CDRT4: variants seen among roughly 807,000 people sequenced by gnomAD.
The protein encoded by CDRT4 is CMT1A duplicated region transcript 4 protein.
For synonymous variants in CDRT4, 64 were observed against 69.6 expected, an observed-to-expected ratio of 0.92 and a Z score of 0.40; for missense variants, 167 against 193.1, an observed-to-expected ratio of 0.87 and a Z score of 0.80.
rs891826079 is a variant in CDRT4 at position 15,450,684 on chromosome 17, C to T, written c.-48+2320G>A. 2.0e-5 allele frequency among the ~76,000 whole-genome samples: 3 copies of T among 151,956 alleles called. No homozygotes were observed. The East Asian group carries it at 5.8e-4, about 29-fold the overall frequency. On this transcript the variant is annotated intron_variant, in intron 2 of 3. Transcript: ENST00000619038. The surrounding 1 kb of genome is among the most constrained non-coding windows in gnomAD (Gnocchi z 4.2). ...CTAGACTGACTTCTTTCCCAAAGTC[C>T]AAATACATATATCCAACTGCCAATA...
In CDRT4 at chr17:15,437,646, G is replaced by A; in HGVS notation, c.*127C>T. On this transcript the variant is annotated 3_prime_UTR_variant, in exon 4 of 4. Coordinates refer to ENST00000619038, the MANE Select transcript of CDRT4 (RefSeq NM_001204477.2). ...TTTCTCTTAGCCAAGCTCCGCATGA[G>A]CAAGAGCAAGTTCAGATTTAAAGGA... 7 of 1,002,960 alleles carry A rather than the reference G, an allele frequency of 7.0e-6. No homozygotes were observed. Among genetic ancestry groups the A allele is most frequent in the Non-Finnish European group, 1.0e-5 (7 of 688,364 alleles). The allele number at this position is 1,002,960 out of a possible 1,614,324, so 62.1% of individuals were successfully genotyped here.
At chr17:15,454,674 G>A (rs1979407183) in intron 1 of CDRT4, among the ~76,000 whole-genome samples, 2 of 152,182 alleles carry the variant, frequency 1.3e-5, no homozygotes, top group African/African-American at 4.8e-5. Context: ...AGTCTCGCCA[G>A]ATTCCTACTG....
At chr17:15,454,126 G>A (rs1316781675) in intron 1 of CDRT4, among the ~76,000 whole-genome samples, 1 of 152,144 alleles carries the variant, frequency 6.6e-6, no homozygotes, top group Non-Finnish European at 1.5e-5. Flanking sequence ...GAAGTCATGG[G>A]AGGTCAGAAG....
chr17:15,447,033 T>C (rs892897094), intron 2 of CDRT4, among the ~76,000 whole-genome samples: 1 of 152,208 alleles, frequency 6.6e-6, no homozygotes, highest in Non-Finnish European at 1.5e-5. Flanking sequence ...CTGTGGATTT[T>C]CCACATTTGC....
intron 2 of CDRT4, among the ~76,000 whole-genome samples, chr17:15,443,242 T>G (rs1978853583): frequency 6.6e-6 from 1 of 152,036 alleles, no homozygotes; most frequent in African/African-American, 2.4e-5. Context: ...GATGAACTCC[T>G]GTCCCAGAAG....
intron 2 of CDRT4, among the ~76,000 whole-genome samples, chr17:15,446,954 A>T (rs1392422966): frequency 6.6e-6 from 1 of 152,206 alleles, no homozygotes; most frequent in Non-Finnish European, 1.5e-5. Flanking sequence ...CACACATTCA[A>T]AAAACCTATC....
rs565298834 is a variant in CDRT4, at chr17:15,450,356, T to C, written c.-48+2648A>G. Among the ~76,000 whole-genome samples, 37 of 152,158 alleles carry C rather than the reference T, an allele frequency of 2.4e-4. No individual in the cohort carries two copies. Among genetic ancestry groups the C allele is most frequent in the Non-Finnish European group, 4.7e-4 (32 of 68,018 alleles). On this transcript the variant is annotated intron_variant, in intron 2 of 3. Coordinates refer to ENST00000619038, the MANE Select transcript of CDRT4 (RefSeq NM_001204477.2). The surrounding 1 kb of genome is among the most constrained non-coding windows in gnomAD (Gnocchi z 4.2). ...ATGCCTTCCTTCCCACTACTATGAATGAGGCATCTGTATTCCTGTCAAAGA... is the reference window on the plus strand; with the variant it reads ...ATGCCTTCCTTCCCACTACTATGAACGAGGCATCTGTATTCCTGTCAAAGA...
chr17:15,452,480 G>A (rs1252644796), intron 2 of CDRT4: 1 of 152,224 alleles, frequency 6.6e-6, no homozygotes, highest in Non-Finnish European at 1.5e-5. Context: ...GCTCTACTCT[G>A]CTTTCCCTTC....
chr17:15,458,948 G>C (rs937746473), intron 1 of CDRT4, among the ~76,000 whole-genome samples: 6 of 152,106 alleles, frequency 3.9e-5, no homozygotes, highest in Non-Finnish European at 7.4e-5. Context: ...AGCCTTCCTG[G>C]GGATTCTGTT....
At chr17:15,453,520 G>A (rs925438316) in intron 1 of CDRT4, among the ~76,000 whole-genome samples, 1 of 152,202 alleles carries the variant, frequency 6.6e-6, no homozygotes, top group African/African-American at 2.4e-5. Context: ...GGCCCTTCAT[G>A]GAGCGTGTTC....
At chr17:15,465,745 C>G (rs540681950) in intron 1 of CDRT4, among the ~76,000 whole-genome samples, 1 of 152,224 alleles carries the variant, frequency 6.6e-6, no homozygotes, top group Non-Finnish European at 1.5e-5. Flanking sequence ...TGCACAGACA[C>G]GCATGCTAAC....
chr17:15,440,171 G>C, intron 3 of CDRT4, 37 bp downstream of exon 3: 1 of 1,612,196 alleles, frequency 6.2e-7, no homozygotes. Flanking sequence ...GACGGCCCCA[G>C]TGCAGGAGCT....
chr17:15,440,391 G>T, intron 2 of CDRT4, 106 bp from the exon 3 acceptor site: 1 of 1,263,518 alleles, frequency 7.9e-7, no homozygotes, highest in Non-Finnish European at 1.1e-6. Context: ...ACTGCATGAG[G>T]CTAAGATGAC....
intron 1 of CDRT4, among the ~76,000 whole-genome samples, chr17:15,463,761 G>A (rs1057359661): frequency 5.9e-5 from 9 of 152,054 alleles, no homozygotes; most frequent in Non-Finnish European, 1.2e-4. Flanking sequence ...CCTTAACACC[G>A]TCTTCTGAGC....
Position 15,450,994 on chromosome 17 carries a change from C to T in CDRT4, c.-48+2010G>A, listed in dbSNP as rs1417322203. On this transcript the variant is annotated intron_variant, in intron 2 of 3. Transcript: ENST00000619038. This position sits in a 1 kb window ranked among gnomAD's most constrained non-coding sequence, Gnocchi z 4.2. ...TAACTGAACTACTGAACACCTGCTA[C>T]TGGTCTCCCTGCTTCCACTCTTGTT... is the stretch of plus-strand genomic sequence containing the variant. Among the ~76,000 whole-genome samples the T allele has an allele frequency of 6.6e-6, 1 of 152,198 alleles. No individual in the cohort carries two copies. The highest frequency in any genetic ancestry group is 1.5e-5 in the Non-Finnish European group (1 of 68,046).
chr17:15,459,445 T>C (rs866445591), intron 1 of CDRT4, among the ~76,000 whole-genome samples: 39 of 141,262 alleles, frequency 2.8e-4, no homozygotes, highest in Non-Finnish European at 4.5e-4. Flanking sequence ...TTTTCTTTTT[T>C]TTTTTTTTTT....
At chr17:15,445,321 A>C (rs1978975297) in intron 2 of CDRT4, among the ~76,000 whole-genome samples, 1 of 152,230 alleles carries the variant, frequency 6.6e-6, no homozygotes, top group East Asian at 1.9e-4. Context: ...AGGAGTCGCC[A>C]CATCTTCTAA....
chr17:15,442,729 G>T (rs768553191), intron 2 of CDRT4, among the ~76,000 whole-genome samples: 1 of 152,174 alleles, frequency 6.6e-6, no homozygotes, highest in Non-Finnish European at 1.5e-5. Context: ...GGTTTTTCTC[G>T]TACCTGCTGA....
intron 2 of CDRT4, among the ~76,000 whole-genome samples, chr17:15,446,815 T>C (rs1001429698): frequency 2.6e-5 from 4 of 152,186 alleles, no homozygotes; most frequent in Non-Finnish European, 5.9e-5. Context: ...ATGTTGCTTC[T>C]TGATAATGCT....
Sources: allele counts gnomAD v4.1 joint callset (sites outside exome capture counted in the v4.1 genomes callset), GRCh38; gene constraint gnomAD v4.1.1; non-coding constraint Gnocchi (gnomAD v3.1); transcripts MANE v1.5; gene names NCBI Gene and HGNC (gene_info 2026-07-23, HGNC 2026-07-21).